SHOX: variants seen among roughly 807,000 people sequenced by gnomAD.
SHOX encodes short stature homeobox protein.
A neutral mutation model predicts 29.6 loss-of-function variants in SHOX; 12 were observed. The ratio of observed to expected loss-of-function variants is 0.41; its 90% CI spans 0.26 to 0.66. SHOX has a LOEUF of 0.66. Ranked by LOEUF, SHOX falls within the 30% of genes least tolerant of loss-of-function variation. The pLI, the probability that SHOX is intolerant of heterozygous loss-of-function variation, is 0.35. For missense variants in SHOX, 499 were observed against 437.7 expected (o/e 1.14, Z -1.25); for synonymous variants, 214 against 200.6 (o/e 1.07, Z -0.57).
chrX:641,379 T>A (rs776347098), intron 4 of SHOX, among the ~76,000 whole-genome samples: 1 of 151,740 alleles, frequency 6.6e-6, no homozygotes, highest in Non-Finnish European at 1.5e-5. Flanking sequence ...CTGGCCAACT[T>A]AACGAAACCC....
intron 1 of SHOX, among the ~76,000 whole-genome samples, chrX:633,189 C>T (rs1380100000): frequency 2.0e-5 from 3 of 152,046 alleles, no homozygotes; most frequent in Non-Finnish European, 4.4e-5. Flanking sequence ...TCTGAGGTTA[C>T]CGTGGAAGCC....
rs2053051079 is a variant in SHOX at position 650,957 on chromosome X, G to C, written c.*6321G>C. 6.6e-6 allele frequency among the ~76,000 whole-genome samples: 1 copy of C among 152,026 alleles called. No homozygotes were observed. Among genetic ancestry groups the C allele is most frequent in the South Asian group, 2.1e-4 (1 of 4,824 alleles). ...AATGAGAAGCCGGTTAAGGAATGTA[G>C]ACAATATCCCGTTTCAAAGCTATGA... On this transcript the variant is annotated 3_prime_UTR_variant, in exon 5 of 5. Coordinates refer to ENST00000686671, the MANE Select transcript of SHOX (RefSeq NM_000451.4).
chrX:657,773 G>C (rs1053789139), intron 5 of SHOX, among the ~76,000 whole-genome samples: 1 of 152,142 alleles, frequency 6.6e-6, no homozygotes, highest in Admixed American at 6.6e-5. Flanking sequence ...ACACAGAGTA[G>C]AGAAATGTCA....
At chrX:655,566 CTG>C (rs1233451416), downstream of SHOX, among the ~76,000 whole-genome samples, 679 of 91,386 alleles carry the variant, frequency 7.4e-3, 4 homozygotes, top group Middle Eastern at 0.011. Context: ...GACTCTCTCT[CTG>C]TCTCTCTCTC....
At chrX:630,293 C>T (rs1427146380), upstream of SHOX, among the ~76,000 whole-genome samples, 11 of 75,538 alleles carry the variant, frequency 1.5e-4, no homozygotes, top group Admixed American at 6.1e-4. Context: ...ATCGTGCGTC[C>T]CCGGGGCGCC....
intron 2 of SHOX, among the ~76,000 whole-genome samples, chrX:635,856 G>GA (rs2052736733): frequency 3.2e-5 from 2 of 63,170 alleles, no homozygotes; most frequent in Non-Finnish European, 3.2e-5. Flanking sequence ...AGTGGGGGGA[G>GA]GGAGAGAGAG....
In SHOX at chrX:630,859, T is replaced by C. The variant is rs765660296; in HGVS notation, c.-39T>C. 76 of 1,610,398 alleles carry C rather than the reference T, an allele frequency of 4.7e-5. No individual in the cohort carries two copies. Among genetic ancestry groups the C allele is most frequent in the Middle Eastern group, 3.8e-4 (2 of 5,248 alleles). On this transcript the variant is annotated 5_prime_UTR_variant, in exon 1 of 5. Transcript: ENST00000686671. Reference sequence around the variant, plus strand: ...CTCTCCGCGCGGGGAGACGCGCGCATCCACCAGCCCCGGCTGCTCGCCAGC... The same window carrying C: ...CTCTCCGCGCGGGGAGACGCGCGCACCCACCAGCCCCGGCTGCTCGCCAGC...
upstream of SHOX, among the ~76,000 whole-genome samples, chrX:629,292 CCTGT>C (rs1393224782): frequency 7.1e-6 from 1 of 139,908 alleles, no homozygotes; most frequent in African/African-American, 2.7e-5. Context: ...TCCGTCTCTC[CCTGT>C]CTGTCTCTTT....
At chrX:633,690 T>A (rs2052688193) in intron 1 of SHOX, among the ~76,000 whole-genome samples, 1 of 152,108 alleles carries the variant, frequency 6.6e-6, no homozygotes, top group Non-Finnish European at 1.5e-5. Context: ...GGACATCTCA[T>A]TAGGGCATCG....
chrX:636,451 A>G (rs2052754562), intron 2 of SHOX, among the ~76,000 whole-genome samples: 1 of 76,902 alleles, frequency 1.3e-5, no homozygotes, highest in Non-Finnish European at 2.4e-5. Context: ...ATATACATAT[A>G]AAGAAATATA....
At position 644,586 on chromosome X, in the gene SHOX, G is replaced by A. The variant is rs398123403; in HGVS notation, c.829G>A (p.Ala277Thr). 2.7e-5 allele frequency: 41 copies of A among 1,512,980 alleles called. No homozygotes were observed. Among genetic ancestry groups the A allele is most frequent in the Non-Finnish European group, 3.6e-5 (41 of 1,137,464 alleles). 93.7% of individuals were successfully genotyped at this position (1,512,980 alleles called of 1,614,324 possible). A position where few individuals can be genotyped will look rare whatever the true frequency, so the allele number is the denominator to read the frequency against. Reference sequence around the variant, plus strand: ...AAGCAACAGCAAGAATTCCAGCATCGCCGACCTGCGGCTCAAGGCGCGGAA... The same window carrying A: ...AAGCAACAGCAAGAATTCCAGCATCACCGACCTGCGGCTCAAGGCGCGGAA... Reference protein sequence around the residue: ...AKSNSKNSSIADLRLKARKHA... With the variant: ...AKSNSKNSSITDLRLKARKHA... Residue 277 changes from alanine (A) to threonine (T), a missense_variant, in exon 5 of 5, where the codon GCC becomes ACC. Ala to Thr is a moderately conservative substitution (Grantham distance 58). Transcript: ENST00000686671.
In SHOX at chrX:650,690, C is replaced by T. The variant is rs1206531384; in HGVS notation, c.*6054C>T. 6.6e-6 allele frequency among the ~76,000 whole-genome samples: 1 copy of T among 150,632 alleles called. No individual in the cohort carries two copies. Among genetic ancestry groups the T allele is most frequent in the Non-Finnish European group, 1.5e-5 (1 of 67,776 alleles). ...CGAGGATGGCACACGGCAGCCACTC[C>T]CACGACACACATTTCGGAGGCACTT... On this transcript the variant is annotated 3_prime_UTR_variant, in exon 5 of 5. Coordinates refer to ENST00000686671, the MANE Select transcript of SHOX (RefSeq NM_000451.4).
rs990334201 is a variant in SHOX, at chrX:647,146, G to C, written c.*2510G>C. ...GGCTGGAGTGCAGTGGCACAATCTC[G>C]GCTCACCGCAACCTCCGCCTCCCGG... is the stretch of plus-strand genomic sequence containing the variant. On this transcript the variant is annotated 3_prime_UTR_variant, in exon 5 of 5. Transcript: ENST00000686671. Among the ~76,000 whole-genome samples the C allele has an allele frequency of 1.4e-4, 22 of 152,166 alleles. No homozygotes were observed. The highest frequency in any genetic ancestry group is 2.2e-4 in the African/African-American group (9 of 41,438).
intron 1 of SHOX, chrX:631,914 C>G (rs1479289302): frequency 2.2e-6 from 1 of 456,106 alleles, no homozygotes; most frequent in Admixed American, 2.3e-5. Context: ...ACAGAGGAGC[C>G]GTCTCCACGC....
Position 644,747 on chromosome X carries a change from C to T in SHOX, c.*111C>T, listed in dbSNP as rs1371135824. 2 of 1,308,630 alleles carry T rather than the reference C, an allele frequency of 1.5e-6. No homozygotes were observed. Among genetic ancestry groups the T allele is most frequent in the South Asian group, 1.9e-5 (1 of 51,370 alleles). The allele number at this position is 1,308,630 out of a possible 1,614,324, so 81.1% of individuals were successfully genotyped here. A position where few individuals can be genotyped will look rare whatever the true frequency, so the allele number is the denominator to read the frequency against. On this transcript the variant is annotated 3_prime_UTR_variant, in exon 5 of 5. Transcript: ENST00000686671. ...GAGCTCCTTCCGCGGCCACCGTGCT[C>T]CGGGCACCCCGGGAGCTCCTGCAAG...
intron 2 of SHOX, among the ~76,000 whole-genome samples, chrX:638,460 A>G (rs1163097533): frequency 6.6e-6 from 1 of 152,042 alleles, no homozygotes; most frequent in Non-Finnish European, 1.5e-5. Flanking sequence ...GTGGAGGTGG[A>G]GGTCTGAAGG....
At chrX:633,544 T>G (rs976554566) in intron 1 of SHOX, among the ~76,000 whole-genome samples, 11 of 152,032 alleles carry the variant, frequency 7.2e-5, no homozygotes, top group Non-Finnish European at 1.5e-4. Context: ...GGTGCTAGTA[T>G]TTACCCCGTT....
At chrX:631,905 C>G (rs1483396070) in intron 1 of SHOX, 5 of 456,098 alleles carry the variant, frequency 1.1e-5, no homozygotes, top group Admixed American at 7.0e-5. Context: ...CCCAGACGCA[C>G]AGAGGAGCCG....
intron 4 of SHOX, among the ~76,000 whole-genome samples, chrX:643,097 T>TG (rs2052889001): frequency 7.7e-5 from 10 of 129,222 alleles, no homozygotes; most frequent in South Asian, 5.4e-4. Flanking sequence ...CCTGGTGTCC[T>TG]GGGAGAGGCT....
Sources: allele counts gnomAD v4.1 joint callset (sites outside exome capture counted in the v4.1 genomes callset), GRCh38; gene constraint gnomAD v4.1.1; transcripts MANE v1.5; gene names NCBI Gene and HGNC (gene_info 2026-07-23, HGNC 2026-07-21).